The following URB2 variants were observed in gnomAD, a reference collection of about 807,000 sequenced individuals.
URB2 encodes unhealthy ribosome biogenesis protein 2 homolog.
In URB2, 86 loss-of-function variants were observed where a neutral mutation model predicts 120.9. The ratio of observed to expected loss-of-function variants is 0.71; its 90% confidence interval spans 0.60 to 0.85. The LOEUF (loss-of-function observed/expected upper bound fraction) is 0.85. Ranked by LOEUF, URB2 falls within the 40% of genes least tolerant of loss-of-function variation. The probability of loss-of-function intolerance (pLI) is 0.00; values close to 1 mark genes in which losing one functional copy is unlikely to be tolerated. For synonymous variants in URB2, 755 were observed against 758.4 expected (o/e 1.00, Z 0.07); for missense variants, 1,765 against 1,836.5 (o/e 0.96, Z 0.71).
chr1:229,637,986 G>A lies in URB2; in HGVS notation c.3373G>A (p.Glu1125Lys), dbSNP rs147696530. The change falls in exon 4 of 10, where the codon GAA (glutamate) becomes AAA (lysine). Residue 1125 changes from glutamate to lysine, a missense_variant. Glu to Lys is a moderately conservative substitution (Grantham distance 56, BLOSUM62 1). Transcript: ENST00000258243. ...CATCTCATCCGTCAGCACGCTCTTG[G>A]AAGCCGACCTGGGTCAGCACTGCAG... ...VLISSVSTLL[E>K]ADLGQHCRDG... 6.9e-4 allele frequency: 1,120 copies of A among 1,613,686 alleles called. 2 individuals are homozygous for A. Among genetic ancestry groups the A allele is most frequent in the Non-Finnish European group, 8.9e-4 (1,053 of 1,179,786 alleles).
rs780969327 is a variant in URB2 at position 229,647,626 on chromosome 1, C to T, written c.4023C>T (p.His1341=). Residue 1341 remains histidine (H), a synonymous_variant, in exon 7 of 10, where the codon CAC becomes CAT. Coordinates refer to ENST00000258243, the MANE Select transcript of URB2 (RefSeq NM_014777.4). ...RQGEEAIGNP[H]HVSLAFSILL... ...GGGAGGAGGCCATCGGCAACCCCCA[C>T]CACGTCAGCCTGGCCTTCAGCATCC... 2.5e-6 allele frequency: 4 copies of T among 1,614,190 alleles called. No homozygotes were observed. Among genetic ancestry groups the T allele is most frequent in the South Asian group, 2.2e-5 (2 of 91,082 alleles).
intron 8 of URB2, among the ~76,000 whole-genome samples, chr1:229,652,890 TGTGAAGGTAGCTTC>T (rs1666314510): frequency 6.6e-6 from 1 of 152,276 alleles, no homozygotes; most frequent in African/African-American, 2.4e-5. Context: ...GCTGTGTTCA[TGTGAAGGTAGCTTC>T]GTCATCTTAT....
chr1:229,636,435 C>G lies in URB2; in HGVS notation c.1822C>G (p.Leu608Val). The change falls in exon 4 of 10, where the codon CTG (leucine) becomes GTG (valine). Residue 608 changes from leucine to valine, a missense_variant. Leu to Val is a conservative substitution (Grantham distance 32). Coordinates refer to ENST00000258243, the MANE Select transcript of URB2 (RefSeq NM_014777.4). ...GCAGAAGGTCAGTGACTCTGTGCTC[C>G]TGCTCTCTTACACTTGGGCCCAGGT... The part of the protein sequence containing the change: ...WLQKVSDSVL[L>V]LSYTWAQVDA... 6.2e-7 allele frequency: 1 copy of G among 1,614,256 alleles called. No homozygotes were observed. The highest frequency in any genetic ancestry group is 8.5e-7 in the Non-Finnish European group (1 of 1,180,034).
At chr1:229,628,560 A>G (rs1665588922) in intron 2 of URB2, among the ~76,000 whole-genome samples, 1 of 152,184 alleles carries the variant, frequency 6.6e-6, no homozygotes, top group African/African-American at 2.4e-5. Context: ...TGATAGCTGC[A>G]TTTGCTTATA....
chr1:229,639,403 C>T (rs1323459117), intron 4 of URB2, among the ~76,000 whole-genome samples: 1 of 148,904 alleles, frequency 6.7e-6, no homozygotes, highest in Non-Finnish European at 1.5e-5. Flanking sequence ...GGTGCAATCT[C>T]AGCTCACTGC....
chr1:229,639,336 C>CTTTT (rs200235230), intron 4 of URB2, among the ~76,000 whole-genome samples: 2 of 135,112 alleles, frequency 1.5e-5, no homozygotes, highest in African/African-American at 2.8e-5. Context: ...CACTTAATTT[C>CTTTT]TTTTTTTTTT....
rs1666169682 is a variant in URB2, at chr1:229,647,374, AT to A, written c.3907-133del. On this transcript the variant is annotated intron_variant, in intron 6 of 9. Coordinates refer to ENST00000258243, the MANE Select transcript of URB2 (RefSeq NM_014777.4). ...ATCTGTAAGAAGTTTAGCAAATAGT[AT>A]TTAACGGCCCACGGACCACATCAAT... 3.7e-6 allele frequency: 4 copies of A among 1,073,294 alleles called. No individual in the cohort carries two copies. In the Admixed American group the frequency reaches 1.1e-4, roughly 29 times the overall value. 66.5% of individuals were successfully genotyped at this position (1,073,294 alleles called of 1,614,324 possible). A position where few individuals can be genotyped will look rare whatever the true frequency, so the allele number is the denominator to read the frequency against.
Position 229,659,298 on chromosome 1 carries a change from G to A in URB2, c.*1G>A. On this transcript the variant is annotated 3_prime_UTR_variant, in exon 10 of 10. Transcript: ENST00000258243. ...AGGAGAGAAAAGATATACGGCCTAA[G>A]GCTATGGGACAGAAGTGCCGCCAGT... is the stretch of plus-strand genomic sequence containing the variant. 1.2e-6 allele frequency: 2 copies of A among 1,613,660 alleles called. No homozygotes were observed. Among genetic ancestry groups the A allele is most frequent in the Admixed American group, 3.3e-5 (2 of 60,024 alleles).
intron 8 of URB2, among the ~76,000 whole-genome samples, chr1:229,651,930 C>A (rs1666283694): frequency 6.6e-6 from 1 of 151,950 alleles, no homozygotes; most frequent in East Asian, 1.9e-4. Context: ...GGCTGTAATC[C>A]CAGCAATTTG....
intron 2 of URB2, among the ~76,000 whole-genome samples, chr1:229,630,501 C>T (rs1322891943): frequency 1.3e-5 from 2 of 152,206 alleles, no homozygotes; most frequent in Admixed American, 6.5e-5. Flanking sequence ...TGCTGTCATT[C>T]AGGCTTTGTT....
chr1:229,643,709 C>A lies in URB2; in HGVS notation c.3795+16C>A, dbSNP rs775856998. 1.9e-6 allele frequency: 3 copies of A among 1,604,448 alleles called. No homozygotes were observed. The highest frequency in any genetic ancestry group is 2.6e-6 in the Non-Finnish European group (3 of 1,174,880). Reference sequence around the variant, plus strand: ...AGATGTGCAGGTGGGTGCCTTCTCCCTCCTTGTGTGGCAGGCTCAGAAACC... The same window carrying A: ...AGATGTGCAGGTGGGTGCCTTCTCCATCCTTGTGTGGCAGGCTCAGAAACC... On this transcript the variant is annotated intron_variant, in intron 5 of 9. Coordinates refer to ENST00000258243, the MANE Select transcript of URB2 (RefSeq NM_014777.4).
rs1371678549 is a variant in URB2 at position 229,635,380 on chromosome 1, A to G, written c.767A>G (p.Glu256Gly). 7.4e-6 allele frequency: 12 copies of G among 1,613,982 alleles called. No individual in the cohort carries two copies. The African/African-American group carries it at 1.6e-4, about 22-fold the overall frequency. ...FQPELLSSYK[E>G]GLLDQQQGDV... ...CCTGAGCTACTGTCATCCTACAAGG[A>G]GGGGCTCTTGGACCAGCAGCAAGGG... The change falls in exon 4 of 10, where the codon GAG becomes GGG. Residue 256 changes from glutamate to glycine, a missense_variant. Transcript: ENST00000258243.
At chr1:229,628,556 C>T (rs1665588796) in intron 2 of URB2, among the ~76,000 whole-genome samples, 1 of 152,144 alleles carries the variant, frequency 6.6e-6, no homozygotes, top group Non-Finnish European at 1.5e-5. Flanking sequence ...CCATTGATAG[C>T]TGCATTTGCT....
chr1:229,639,601 A>C (rs1457090578), intron 4 of URB2, among the ~76,000 whole-genome samples: 2 of 152,042 alleles, frequency 1.3e-5, no homozygotes. Context: ...CTCCCAAAGT[A>C]CTGGGATTAC....
intron 5 of URB2, among the ~76,000 whole-genome samples, 199 bp downstream of exon 5, chr1:229,643,892 T>C (rs917650157): frequency 6.6e-6 from 1 of 152,234 alleles, no homozygotes; most frequent in Non-Finnish European, 1.5e-5. Flanking sequence ...GCCTTAGTTT[T>C]CAAACGGGAA....
chr1:229,658,375 A>G (rs1666451931), intron 9 of URB2, among the ~76,000 whole-genome samples: 1 of 152,130 alleles, frequency 6.6e-6, no homozygotes, highest in Admixed American at 6.6e-5. Flanking sequence ...TGTGCTCCAG[A>G]TTTTAGGTAA....
At position 229,654,320 on chromosome 1, in the gene URB2, G is replaced by C. The variant is rs765047341; in HGVS notation, c.4309G>C (p.Ala1437Pro). The change falls in exon 9 of 10, where the codon GCA (alanine) becomes CCA (proline). Residue 1437 changes from alanine (A) to proline (P), a missense_variant. Transcript: ENST00000258243. ...LVERMYSHIAARAEEFAVFSP... is the reference protein window; with the variant it reads ...LVERMYSHIAPRAEEFAVFSP... ...TGAAAGAATGTACAGCCACATCGCCGCACGAGCTGAGGAGTTTGCTGTGTT... is the reference window on the plus strand; with the variant it reads ...TGAAAGAATGTACAGCCACATCGCCCCACGAGCTGAGGAGTTTGCTGTGTT... 1.9e-6 allele frequency: 3 copies of C among 1,614,036 alleles called. No individual in the cohort carries two copies. Among genetic ancestry groups the C allele is most frequent in the Non-Finnish European group, 2.5e-6 (3 of 1,180,030 alleles).
In URB2 at chr1:229,637,467, T is replaced by C; in HGVS notation, c.2854T>C (p.Leu952=). The change falls in exon 4 of 10, where the codon TTG becomes CTG. Residue 952 remains leucine, a synonymous_variant. Transcript: ENST00000258243. ...LTTCYQLLGY[L]QKGKSARSVF... ...GACTTGCTACCAACTTCTTGGTTAC[T>C]TGCAAAAGGGGAAAAGTGCTCGCTC... 1 of 1,614,214 alleles carries C rather than the reference T, an allele frequency of 6.2e-7. No individual in the cohort carries two copies. Among genetic ancestry groups the C allele is most frequent in the South Asian group, 1.1e-5 (1 of 91,088 alleles).
chr1:229,636,083 G>C lies in URB2; in HGVS notation c.1470G>C (p.Leu490=), dbSNP rs200504919. Residue 490 remains leucine (L), a synonymous_variant, in exon 4 of 10, where the codon CTG becomes CTC. Coordinates refer to ENST00000258243, the MANE Select transcript of URB2 (RefSeq NM_014777.4). The part of the protein sequence containing the change: ...PAAEALRQPV[L]ASGPSTVLSA... ...CTGAGGCACTGAGGCAGCCTGTGCT[G>C]GCCTCGGGCCCCTCCACGGTACTCT... 1,462 of 1,614,240 alleles carry C rather than the reference G, an allele frequency of 9.1e-4. 26 individuals are homozygous for C. The South Asian group carries it at 0.015, about 17-fold the overall frequency.
Sources: allele counts gnomAD v4.1 joint callset (sites outside exome capture counted in the v4.1 genomes callset), GRCh38; gene constraint gnomAD v4.1.1; transcripts MANE v1.5; gene names NCBI Gene and HGNC (gene_info 2026-07-23, HGNC 2026-07-21).